Variants in SPATA31H1 observed in about 807,000 individuals in gnomAD.
SPATA31H1 encodes spermatogenesis-associated protein 31H1.
chr2:27,579,852 G>A, the SPATA31H1 span: 1 of 1,614,194 alleles, frequency 6.2e-7, no homozygotes, highest in East Asian at 2.2e-5. Flanking sequence ...GCTAAAAATA[G>A]CAGCAAAACT....
the SPATA31H1 span, chr2:27,572,545 CCT>C: frequency 7.5e-6 from 3 of 398,208 alleles, no homozygotes; most frequent in Non-Finnish European, 1.3e-5. Context: ...TGTGTAAAAA[CCT>C]CTGAGTTGTC....
the SPATA31H1 span, among the ~76,000 whole-genome samples, chr2:27,560,871 G>A: frequency 1.3e-5 from 2 of 152,188 alleles, no homozygotes. Context: ...GTGAACTTGA[G>A]CTGCCAAATA....
the SPATA31H1 span, chr2:27,578,017 T>C: frequency 6.2e-7 from 1 of 1,614,130 alleles, no homozygotes; most frequent in South Asian, 1.1e-5. Context: ...CCAGAGCCAC[T>C]AGATCAAGTC....
At chr2:27,579,881 C>G in the SPATA31H1 span, 1 of 1,614,150 alleles carries the variant, frequency 6.2e-7, no homozygotes, top group Non-Finnish European at 8.5e-7. Context: ...GTCAAATACC[C>G]CCCGATGTGC....
chr2:27,537,402 G>T, the SPATA31H1 span: 2 of 714,934 alleles, frequency 2.8e-6, no homozygotes, highest in Non-Finnish European at 5.2e-6. Flanking sequence ...GAAAACTCTG[G>T]CTGAGAAGAG....
the SPATA31H1 span, chr2:27,537,479 T>A: frequency 1.4e-6 from 1 of 717,362 alleles, no homozygotes; most frequent in Non-Finnish European, 2.6e-6. Context: ...ATCAGCCTTC[T>A]ATTATTGTTT....
the SPATA31H1 span, chr2:27,579,024 G>C: frequency 1.2e-6 from 2 of 1,614,182 alleles, no homozygotes; most frequent in Non-Finnish European, 1.7e-6. Context: ...GATTCTAGGA[G>C]TGGATGTAAT....
the SPATA31H1 span, among the ~76,000 whole-genome samples, chr2:27,544,007 T>G: frequency 6.6e-6 from 1 of 151,944 alleles, no homozygotes; most frequent in Non-Finnish European, 1.5e-5. Context: ...CATTAGGAGT[T>G]CCAAGACCCT....
the SPATA31H1 span, chr2:27,578,813 A>C: frequency 6.2e-7 from 1 of 1,614,198 alleles, no homozygotes; most frequent in Non-Finnish European, 8.5e-7. Flanking sequence ...TCAGAACAGC[A>C]TCTGAATTAG....
the SPATA31H1 span, chr2:27,580,851 A>C: frequency 8.1e-6 from 13 of 1,614,066 alleles, no homozygotes; most frequent in African/African-American, 2.7e-5. Context: ...GCAGGAGGAC[A>C]TATTGTGGGG....
the SPATA31H1 span, chr2:27,580,031 A>G: frequency 1.9e-6 from 3 of 1,614,184 alleles, no homozygotes; most frequent in Non-Finnish European, 2.5e-6. Flanking sequence ...TCCACCTTGT[A>G]CGCACTCCTG....
chr2:27,551,302 T>C, the SPATA31H1 span, among the ~76,000 whole-genome samples: 1 of 152,024 alleles, frequency 6.6e-6, no homozygotes, highest in African/African-American at 2.4e-5. Flanking sequence ...ATTGTCCTTA[T>C]TAGATTTTAG....
At chr2:27,579,942 T>A in the SPATA31H1 span, 1 of 1,614,174 alleles carries the variant, frequency 6.2e-7, no homozygotes, top group South Asian at 1.1e-5. Context: ...CTGCCTACAG[T>A]GTGGCCGATG....
the SPATA31H1 span, among the ~76,000 whole-genome samples, chr2:27,548,663 G>A: frequency 1.3e-5 from 2 of 150,156 alleles, no homozygotes; most frequent in African/African-American, 4.9e-5. Flanking sequence ...ATTATTTATA[G>A]TCTGTTTGAT....
chr2:27,578,712 T>C, the SPATA31H1 span: 1 of 1,614,172 alleles, frequency 6.2e-7, no homozygotes, highest in Non-Finnish European at 8.5e-7. Context: ...GAATAGGGAC[T>C]GTCAGAAGTT....
the SPATA31H1 span, among the ~76,000 whole-genome samples, chr2:27,556,260 A>C: frequency 6.8e-6 from 1 of 147,132 alleles, no homozygotes; most frequent in Non-Finnish European, 1.5e-5. Flanking sequence ...CTTGCACCTT[A>C]GGCTTTCTCA....
chr2:27,559,685 A>T, the SPATA31H1 span, among the ~76,000 whole-genome samples: 6 of 152,032 alleles, frequency 3.9e-5, no homozygotes, highest in African/African-American at 1.4e-4. Flanking sequence ...ATTTAAATAT[A>T]TGTGCTTATC....
the SPATA31H1 span, among the ~76,000 whole-genome samples, chr2:27,549,646 C>T: frequency 6.6e-6 from 1 of 151,644 alleles, no homozygotes; most frequent in African/African-American, 2.4e-5. Context: ...CCCATCTCTA[C>T]TAAAAATACA....
chr2:27,574,748 G>C, the SPATA31H1 span: 1 of 398,286 alleles, frequency 2.5e-6, no homozygotes, highest in African/African-American at 2.1e-5. Context: ...CAGAGACAAA[G>C]CTTCAAGGTG....
Sources: gnomAD v4.1 joint callset for allele counts (sites outside exome capture counted in the v4.1 genomes callset) on GRCh38, gnomAD v4.1.1 for gene constraint, MANE v1.5 for transcripts, NCBI Gene and HGNC (gene_info 2026-07-23, HGNC 2026-07-21) for gene names.